SLC38A12: variants seen among roughly 807,000 people sequenced by gnomAD.
The protein encoded by SLC38A12 is solute carrier family 38 member 12.
the SLC38A12 span, among the ~76,000 whole-genome samples, chr17:74,805,511 C>G: frequency 2.6e-5 from 4 of 152,340 alleles, no homozygotes; most frequent in South Asian, 8.3e-4. This position sits in a 1 kb window ranked among gnomAD's most constrained non-coding sequence, Gnocchi z 5.0. Context: ...CACTCTGACC[C>G]CCGACTAGGG....
chr17:74,786,188 G>C, the SLC38A12 span, among the ~76,000 whole-genome samples: 1 of 151,824 alleles, frequency 6.6e-6, no homozygotes, highest in South Asian at 2.1e-4. Context: ...AGGGAGGGTG[G>C]GTTCCACCTG....
the SLC38A12 span, among the ~76,000 whole-genome samples, chr17:74,829,672 A>C: frequency 8.0e-4 from 121 of 152,178 alleles, 1 homozygote; most frequent in East Asian, 0.02. This position sits in a 1 kb window ranked among gnomAD's most constrained non-coding sequence, Gnocchi z 4.1. Flanking sequence ...TCAGTGCCTC[A>C]GCATCGCATG....
At chr17:74,824,653 G>A in the SLC38A12 span, among the ~76,000 whole-genome samples, 12 of 152,306 alleles carry the variant, frequency 7.9e-5, no homozygotes, top group African/African-American at 2.6e-4. Context: ...CCTCGGGCCT[G>A]GGCTGCCGAG....
the SLC38A12 span, among the ~76,000 whole-genome samples, chr17:74,829,478 C>T: frequency 1.2e-3 from 184 of 152,116 alleles, no homozygotes; most frequent in African/African-American, 4.0e-3. The surrounding 1 kb of genome is among the most constrained non-coding windows in gnomAD (Gnocchi z 4.1). Context: ...GCCTCGGCCT[C>T]GTGTGGCCCT....
the SLC38A12 span, among the ~76,000 whole-genome samples, chr17:74,804,715 T>C: frequency 6.6e-6 from 1 of 152,172 alleles, no homozygotes; most frequent in Non-Finnish European, 1.5e-5. Flanking sequence ...CCTTCAACCA[T>C]GGATTGAGAC....
At chr17:74,813,121 C>T in the SLC38A12 span, among the ~76,000 whole-genome samples, 1 of 152,254 alleles carries the variant, frequency 6.6e-6, no homozygotes, top group Non-Finnish European at 1.5e-5. Context: ...CCCCGCCCCA[C>T]TTCAGTTCCA....
chr17:74,820,201 C>T, the SLC38A12 span, among the ~76,000 whole-genome samples: 3 of 152,228 alleles, frequency 2.0e-5, no homozygotes, highest in Admixed American at 6.5e-5. Flanking sequence ...CTCCCAAAGG[C>T]CTGGGTTGGG....
the SLC38A12 span, among the ~76,000 whole-genome samples, chr17:74,821,020 C>T: frequency 3.3e-5 from 5 of 152,192 alleles, no homozygotes; most frequent in East Asian, 3.9e-4. Flanking sequence ...CAGGTAGCCC[C>T]GCCTCGCCCC....
the SLC38A12 span, among the ~76,000 whole-genome samples, chr17:74,800,864 A>G: frequency 1.3e-5 from 2 of 152,234 alleles, no homozygotes; most frequent in Non-Finnish European, 2.9e-5. Flanking sequence ...CAGGATAAGC[A>G]AGCTGTCTCT....
the SLC38A12 span, among the ~76,000 whole-genome samples, chr17:74,810,232 C>G: frequency 6.6e-6 from 1 of 152,214 alleles, no homozygotes; most frequent in East Asian, 1.9e-4. Context: ...TGACAAGGTG[C>G]ATAGAGCTGG....
chr17:74,811,395 TG>T, the SLC38A12 span, among the ~76,000 whole-genome samples: 1 of 151,712 alleles, frequency 6.6e-6, no homozygotes, highest in Non-Finnish European at 1.5e-5. Context: ...GTGGACCTCA[TG>T]GAAGTCAAAT....
chr17:74,795,482 C>T, the SLC38A12 span: 11 of 1,574,580 alleles, frequency 7.0e-6, no homozygotes, highest in South Asian at 1.1e-5. Flanking sequence ...CCCAGCCAGG[C>T]GGCCTCGCTG....
chr17:74,818,419 G>A, the SLC38A12 span, among the ~76,000 whole-genome samples: 3 of 152,268 alleles, frequency 2.0e-5, no homozygotes, highest in Non-Finnish European at 2.9e-5. Context: ...TTCCTTAAGC[G>A]GCACTTCAGT....
At chr17:74,803,414 G>C in the SLC38A12 span, among the ~76,000 whole-genome samples, 2 of 151,886 alleles carry the variant, frequency 1.3e-5, no homozygotes, top group African/African-American at 4.8e-5. Context: ...AGAGCTCCGC[G>C]GAGCTTGATA....
chr17:74,835,835 C>T, the SLC38A12 span: 1 of 1,507,540 alleles, frequency 6.6e-7, no homozygotes, highest in Non-Finnish European at 8.8e-7. Context: ...TCTCACAGGG[C>T]TCTAGTCCCC....
the SLC38A12 span, chr17:74,839,071 C>T: frequency 1.3e-6 from 2 of 1,535,520 alleles, no homozygotes; most frequent in Non-Finnish European, 1.7e-6. Flanking sequence ...TTCTTTGCCT[C>T]CCTCCCCACA....
the SLC38A12 span, among the ~76,000 whole-genome samples, chr17:74,805,237 C>T: frequency 2.0e-5 from 3 of 152,246 alleles, no homozygotes; most frequent in Non-Finnish European, 2.9e-5. This position sits in a 1 kb window ranked among gnomAD's most constrained non-coding sequence, Gnocchi z 5.0. Flanking sequence ...AAGGGCTTCC[C>T]GTGCCTGCCT....
the SLC38A12 span, among the ~76,000 whole-genome samples, chr17:74,812,979 AC>A: frequency 6.6e-6 from 1 of 152,124 alleles, no homozygotes; most frequent in East Asian, 1.9e-4. Context: ...GGAAGCCAAA[AC>A]CAAAAAAGCT....
At chr17:74,825,767 G>A in the SLC38A12 span, among the ~76,000 whole-genome samples, 14 of 152,204 alleles carry the variant, frequency 9.2e-5, no homozygotes, top group East Asian at 3.8e-4. Context: ...AGTCTGACCC[G>A]ACGATGGTGA....
Sources: gnomAD v4.1 joint callset for allele counts (sites outside exome capture counted in the v4.1 genomes callset) on GRCh38, gnomAD v4.1.1 for gene constraint, Gnocchi (gnomAD v3.1) non-coding constraint, MANE v1.5 for transcripts, NCBI Gene and HGNC (gene_info 2026-07-23, HGNC 2026-07-21) for gene names.